ZBTB38: variants seen among roughly 807,000 people sequenced by gnomAD.
ZBTB38 encodes zinc finger and BTB domain containing 38, also known as zinc finger and BTB domain-containing protein 38.
ZBTB38 carries 20 observed loss-of-function variants against 76.8 expected under a neutral mutation model. The observed-to-expected ratio is 0.26, with a 90% confidence interval of 0.18 to 0.38. The LOEUF (loss-of-function observed/expected upper bound fraction) is 0.38, where lower values mean the gene tolerates loss of function less well. Ranked by LOEUF, ZBTB38 falls within the 10% of genes least tolerant of loss-of-function variation. The probability of loss-of-function intolerance (pLI) is 1.00; values close to 1 mark genes in which losing one functional copy is unlikely to be tolerated. For missense variants in ZBTB38, 1,082 were observed against 1,482.3 expected, an observed-to-expected ratio of 0.73 and a Z score of 4.43; for synonymous variants, 504 against 544.2, an observed-to-expected ratio of 0.93 and a Z score of 1.03.
chr3:141,437,220 A>G (rs1276012031), intron 5 of ZBTB38, among the ~76,000 whole-genome samples: 3 of 152,140 alleles, frequency 2.0e-5, no homozygotes, highest in Non-Finnish European at 4.4e-5. Context: ...CCTGGATTAT[A>G]AACTTCTTGA....
At chr3:141,328,419 ATC>A (rs1942742454) in intron 1 of ZBTB38, among the ~76,000 whole-genome samples, 1 of 152,096 alleles carries the variant, frequency 6.6e-6, no homozygotes, top group Admixed American at 6.5e-5. Context: ...TCTTTTCTTA[ATC>A]TCTCTTTCTG....
At chr3:141,381,906 A>C (rs1304986819) in intron 3 of ZBTB38, among the ~76,000 whole-genome samples, 3 of 152,242 alleles carry the variant, frequency 2.0e-5, no homozygotes, top group African/African-American at 7.2e-5. Context: ...GTTAACAAAC[A>C]GAGTCATTAA....
rs749412220 is a variant in ZBTB38, at chr3:141,442,954, T to C, written c.566T>C (p.Phe189Ser). The change falls in exon 6 of 6, where the codon TTC becomes TCC. Residue 189 changes from phenylalanine to serine, a missense_variant. Transcript: ENST00000321464. The surrounding 1 kb of genome is among the most constrained non-coding windows in gnomAD (Gnocchi z 6.4). Reference protein sequence around the residue: ...MFSPLDLRASFKKVSDSMRTA... With the variant: ...MFSPLDLRASSKKVSDSMRTA... ...TCCCCGCTGGACTTGAGGGCAAGTT[T>C]CAAAAAGGTCTCCGACTCCATGAGA... The C allele has an allele frequency of 6.2e-7, 1 of 1,614,206 alleles. No individual in the cohort carries two copies. The highest frequency in any genetic ancestry group is 2.2e-5 in the East Asian group (1 of 44,890).
chr3:141,336,798 G>T (rs373994937), intron 1 of ZBTB38, among the ~76,000 whole-genome samples: 27 of 152,194 alleles, frequency 1.8e-4, no homozygotes, highest in African/African-American at 6.5e-4. Context: ...CCGTCCCTGG[G>T]GAACTAAATG....
intron 4 of ZBTB38, among the ~76,000 whole-genome samples, chr3:141,395,802 G>T (rs1046202895): frequency 8.5e-5 from 13 of 152,140 alleles, no homozygotes; most frequent in African/African-American, 3.1e-4. Flanking sequence ...AATAAAGCAA[G>T]GTGCACAAAC....
At chr3:141,414,668 C>T (rs371209665) in intron 5 of ZBTB38, among the ~76,000 whole-genome samples, 1 of 152,178 alleles carries the variant, frequency 6.6e-6, no homozygotes, top group South Asian at 2.1e-4. Flanking sequence ...TGTGTCCAGG[C>T]ATGTCCGTCT....
chr3:141,334,625 C>T (rs2148889892), intron 1 of ZBTB38, among the ~76,000 whole-genome samples: 1 of 152,258 alleles, frequency 6.6e-6, no homozygotes, highest in East Asian at 1.9e-4. Context: ...CCCCTTCTCG[C>T]ACATGGGGAT....
chr3:141,396,330 A>G (rs1229562020), intron 4 of ZBTB38: 1 of 152,746 alleles, frequency 6.5e-6, no homozygotes, highest in African/African-American at 2.4e-5. Context: ...ATAAGAAGCA[A>G]CTCCTCATCT....
At chr3:141,408,808 G>C (rs1224737240) in intron 5 of ZBTB38, among the ~76,000 whole-genome samples, 1 of 152,172 alleles carries the variant, frequency 6.6e-6, no homozygotes, top group South Asian at 2.1e-4. Flanking sequence ...CCTCTTGCTG[G>C]TTTGCCTCTT....
intron 5 of ZBTB38, among the ~76,000 whole-genome samples, chr3:141,428,698 A>G (rs1240320445): frequency 1.3e-5 from 2 of 151,970 alleles, no homozygotes; most frequent in African/African-American, 4.8e-5. Flanking sequence ...CTTGTCTCAA[A>G]CTCCTGACCT....
intron 2 of ZBTB38, among the ~76,000 whole-genome samples, chr3:141,370,343 C>T (rs774934621): frequency 7.9e-5 from 12 of 152,172 alleles, no homozygotes; most frequent in Non-Finnish European, 1.6e-4. Context: ...TGGGCTCTGC[C>T]TAGAAGTGGT....
At chr3:141,378,952 T>C (rs1288161700) in intron 2 of ZBTB38, among the ~76,000 whole-genome samples, 2 of 152,230 alleles carry the variant, frequency 1.3e-5, no homozygotes, top group Non-Finnish European at 2.9e-5. Context: ...TTTGCTCTGC[T>C]CTTCATACAG....
chr3:141,324,816 G>A (rs1942624374), intron 1 of ZBTB38, among the ~76,000 whole-genome samples: 1 of 152,080 alleles, frequency 6.6e-6, no homozygotes, highest in Non-Finnish European at 1.5e-5. Context: ...CAAAGTAATT[G>A]GGTATATTAT....
At chr3:141,403,566 A>G (rs1197451447) in intron 4 of ZBTB38, among the ~76,000 whole-genome samples, 2 of 152,216 alleles carry the variant, frequency 1.3e-5, no homozygotes, top group African/African-American at 4.8e-5. Flanking sequence ...ATATAATGTA[A>G]ATTTTTAAAA....
At chr3:141,374,117 A>T (rs1365382901) in intron 2 of ZBTB38, among the ~76,000 whole-genome samples, 2 of 141,066 alleles carry the variant, frequency 1.4e-5, no homozygotes, top group African/African-American at 5.5e-5. Flanking sequence ...GCAACAGAGG[A>T]AAAAAAAAAA....
intron 5 of ZBTB38, among the ~76,000 whole-genome samples, chr3:141,421,272 TTCTC>T (rs1297236700): frequency 1.3e-4 from 19 of 150,152 alleles, no homozygotes; most frequent in East Asian, 3.9e-4. Flanking sequence ...GTCTAGAAAC[TTCTC>T]TCTTTTTTTT....
At chr3:141,380,824 G>T (rs1410989390) in intron 2 of ZBTB38, among the ~76,000 whole-genome samples, 1 of 152,194 alleles carries the variant, frequency 6.6e-6, no homozygotes, top group Non-Finnish European at 1.5e-5. Flanking sequence ...TCATGTATCT[G>T]AGAGAAGAGA....
chr3:141,346,501 T>C (rs1269690498), intron 1 of ZBTB38, among the ~76,000 whole-genome samples: 1 of 152,212 alleles, frequency 6.6e-6, no homozygotes, highest in African/African-American at 2.4e-5. Context: ...ACAGTTCCCT[T>C]TCATTCATCC....
intron 1 of ZBTB38, among the ~76,000 whole-genome samples, chr3:141,332,940 G>A (rs1942894940): frequency 6.6e-6 from 1 of 152,196 alleles, no homozygotes; most frequent in African/African-American, 2.4e-5. Context: ...CAGAACAAGT[G>A]TGGGCATTTT....
Sources: gnomAD v4.1 joint callset for allele counts (sites outside exome capture counted in the v4.1 genomes callset) on GRCh38, gnomAD v4.1.1 for gene constraint, Gnocchi (gnomAD v3.1) non-coding constraint, MANE v1.5 for transcripts, NCBI Gene and HGNC (gene_info 2026-07-23, HGNC 2026-07-21) for gene names.